Variants in EPHA5 observed in about 807,000 individuals in gnomAD.
EPHA5 encodes ephrin type-A receptor 5.
A neutral mutation model predicts 105.0 loss-of-function variants in EPHA5; 60 were observed. The ratio of observed to expected loss-of-function variants is 0.57; its 90% CI spans 0.46 to 0.71. EPHA5 has a LOEUF of 0.71. Ranked by LOEUF, EPHA5 falls within the 30% of genes least tolerant of loss-of-function variation. EPHA5 has a pLI of 0.00. For missense variants in EPHA5, 1,218 were observed against 1,274.7 expected, an observed-to-expected ratio of 0.96 and a Z score of 0.68; for synonymous variants, 513 against 449.1, an observed-to-expected ratio of 1.14 and a Z score of -1.80.
At chr4:65,536,456 A>G (rs1477882788) in intron 3 of EPHA5, among the ~76,000 whole-genome samples, 1 of 151,734 alleles carries the variant, frequency 6.6e-6, no homozygotes, top group Middle Eastern at 3.2e-3. Context: ...AACCATATAT[A>G]TTTTTTTATT....
chr4:65,562,962 G>A (rs1739170214), intron 3 of EPHA5, among the ~76,000 whole-genome samples: 1 of 151,856 alleles, frequency 6.6e-6, no homozygotes, highest in Non-Finnish European at 1.5e-5. Flanking sequence ...GGGTGACAGA[G>A]CAAGACCCAG....
At chr4:65,559,198 C>A (rs1738763775) in intron 3 of EPHA5, among the ~76,000 whole-genome samples, 1 of 151,982 alleles carries the variant, frequency 6.6e-6, no homozygotes, top group East Asian at 1.9e-4. Flanking sequence ...TTTTCTCCAA[C>A]CACTTTTTAA....
At chr4:65,603,047 T>G (rs2149443748) in intron 2 of EPHA5, among the ~76,000 whole-genome samples, 1 of 152,224 alleles carries the variant, frequency 6.6e-6, no homozygotes, top group South Asian at 2.1e-4. Context: ...GAATATTAGC[T>G]AACTTCTTGC....
chr4:65,351,643 T>G, intron 12 of EPHA5, 45 bp from the exon 13 acceptor site: 1 of 1,559,188 alleles, frequency 6.4e-7, no homozygotes, highest in Non-Finnish European at 8.8e-7. Context: ...CACCAATCAC[T>G]GGGGGAAAAT....
At chr4:65,543,800 A>G (rs1048998756) in intron 3 of EPHA5, among the ~76,000 whole-genome samples, 6 of 152,090 alleles carry the variant, frequency 3.9e-5, no homozygotes, top group African/African-American at 1.4e-4. Flanking sequence ...AGCCAGCGAT[A>G]TCACACTACC....
intron 3 of EPHA5, among the ~76,000 whole-genome samples, chr4:65,567,408 A>T (rs1321370619): frequency 6.6e-6 from 1 of 151,592 alleles, no homozygotes; most frequent in Non-Finnish European, 1.5e-5. Context: ...TGTACTGGTG[A>T]CATATTGGTG....
intron 12 of EPHA5, among the ~76,000 whole-genome samples, chr4:65,352,832 C>G (rs972249086): frequency 2.0e-5 from 3 of 149,586 alleles, no homozygotes; most frequent in Non-Finnish European, 4.4e-5. Flanking sequence ...ACTTTAGGGG[C>G]ATATAATTTG....
At chr4:65,549,569 G>A in intron 3 of EPHA5, among the ~76,000 whole-genome samples, 1 of 152,068 alleles carries the variant, frequency 6.6e-6, no homozygotes, top group Non-Finnish European at 1.5e-5. Context: ...TAGAAAGAGG[G>A]TTAAAGTAAC....
chr4:65,525,005 T>G (rs1053894638), intron 3 of EPHA5, among the ~76,000 whole-genome samples: 23 of 151,834 alleles, frequency 1.5e-4, no homozygotes, highest in Non-Finnish European at 3.2e-4. Flanking sequence ...CTGATTGTTT[T>G]CCTTTCTTAG....
chr4:65,652,764 G>T (rs1748723957), intron 1 of EPHA5, among the ~76,000 whole-genome samples: 1 of 151,926 alleles, frequency 6.6e-6, no homozygotes, highest in African/African-American at 2.4e-5. Context: ...AAATCTTCAG[G>T]CATATCAATC....
chr4:65,641,015 A>G (rs192152575), intron 2 of EPHA5, among the ~76,000 whole-genome samples: 9 of 152,276 alleles, frequency 5.9e-5, no homozygotes, highest in Non-Finnish European at 8.8e-5. Context: ...CTTTTTGACA[A>G]ATTCCCAGCT....
intron 13 of EPHA5, among the ~76,000 whole-genome samples, chr4:65,348,659 G>GATATATATAT (rs36206921): frequency 5.0e-4 from 30 of 60,176 alleles, no homozygotes; most frequent in African/African-American, 1.8e-3. Context: ...AAACATTGGA[G>GATATATATAT]ATATATATAT....
At chr4:65,514,987 A>G (rs1733965716) in intron 3 of EPHA5, among the ~76,000 whole-genome samples, 1 of 152,142 alleles carries the variant, frequency 6.6e-6, no homozygotes, top group Non-Finnish European at 1.5e-5. Context: ...TGTGATTATC[A>G]ATAGCTGCAA....
intron 3 of EPHA5, among the ~76,000 whole-genome samples, chr4:65,536,389 A>T (rs1736288843): frequency 6.6e-6 from 1 of 151,962 alleles, no homozygotes; most frequent in Admixed American, 6.6e-5. Context: ...ATAGGAAAGC[A>T]AATTCTTATT....
intron 3 of EPHA5, among the ~76,000 whole-genome samples, chr4:65,513,495 T>C (rs1227107062): frequency 6.6e-6 from 1 of 152,074 alleles, no homozygotes; most frequent in Non-Finnish European, 1.5e-5. Context: ...CAAGCAACTC[T>C]CCTGCCTCAG....
At chr4:65,442,527 T>C (rs1267632095) in intron 5 of EPHA5, among the ~76,000 whole-genome samples, 1 of 152,174 alleles carries the variant, frequency 6.6e-6, no homozygotes, top group Admixed American at 6.6e-5. Flanking sequence ...ATTGACTCTT[T>C]GTGTTATACT....
chr4:65,640,128 ATAAAG>A (rs1417065638), intron 2 of EPHA5, among the ~76,000 whole-genome samples: 2 of 152,144 alleles, frequency 1.3e-5, no homozygotes, highest in Admixed American at 6.5e-5. Flanking sequence ...GGCATATTAA[ATAAAG>A]TAATGTGACA....
At chr4:65,367,677 C>T (rs1718051086) in intron 8 of EPHA5, among the ~76,000 whole-genome samples, 1 of 152,034 alleles carries the variant, frequency 6.6e-6, no homozygotes, top group Non-Finnish European at 1.5e-5. Flanking sequence ...TAAACTTCCC[C>T]TCACCAAATA....
At chr4:65,365,798 T>A (rs1373053199) in intron 10 of EPHA5, 134 bp downstream of exon 10, 9 of 806,048 alleles carry the variant, frequency 1.1e-5, no homozygotes, top group African/African-American at 3.4e-5. Flanking sequence ...TAAAATGTGA[T>A]CAGTTACATA....
Sources: gnomAD v4.1 joint callset for allele counts (sites outside exome capture counted in the v4.1 genomes callset) on GRCh38, gnomAD v4.1.1 for gene constraint, MANE v1.5 for transcripts, NCBI Gene and HGNC (gene_info 2026-07-23, HGNC 2026-07-21) for gene names.